FGD5: variants seen among roughly 807,000 people sequenced by gnomAD.
FGD5 encodes FYVE, RhoGEF and PH domain containing 5, also known as FYVE, RhoGEF and PH domain-containing protein 5.
Under a neutral mutation model 133.4 loss-of-function variants are expected in FGD5, and 28 were observed. That is an observed-to-expected ratio of 0.21 (90% CI 0.16 to 0.29). The LOEUF (loss-of-function observed/expected upper bound fraction) is 0.29. Among genes scored for constraint, FGD5 ranks in the 10% least tolerant of loss-of-function variants. The probability of loss-of-function intolerance (pLI) is 1.00; values close to 1 mark genes in which losing one functional copy is unlikely to be tolerated. For synonymous variants in FGD5, 810 were observed against 776.5 expected, an observed-to-expected ratio of 1.04 and a Z score of -0.72; for missense variants, 1,858 against 1,895.2, an observed-to-expected ratio of 0.98 and a Z score of 0.36.
chr3:14,922,617 G>T lies in FGD5; in HGVS notation c.3807+69G>T. 13 of 1,517,532 alleles carry T rather than the reference G, an allele frequency of 8.6e-6. No homozygotes were observed. In the South Asian group the frequency reaches 1.6e-4, roughly 19 times the overall value. 94.0% of individuals were successfully genotyped at this position (1,517,532 alleles called of 1,614,324 possible). A position where few individuals can be genotyped will look rare whatever the true frequency, so the allele number is the denominator to read the frequency against. On this transcript the variant is annotated intron_variant, in intron 15 of 19. Transcript: ENST00000285046. The surrounding 1 kb of genome is among the most constrained non-coding windows in gnomAD (Gnocchi z 4.1). ...TGGGGGAAGGGCATGTCCCTGCCCA[G>T]CCGGGGGCTCAGGGATGTCCAGCAG...
chr3:14,864,205 A>G lies in FGD5; in HGVS notation c.2603A>G (p.Gln868Arg). 1 of 1,614,048 alleles carries G rather than the reference A, an allele frequency of 6.2e-7. No individual in the cohort carries two copies. The highest frequency in any genetic ancestry group is 8.5e-7 in the Non-Finnish European group (1 of 1,179,888). Residue 868 changes from glutamine to arginine, a missense_variant, in exon 2 of 20, where the codon CAG becomes CGG. Coordinates refer to ENST00000285046, the MANE Select transcript of FGD5 (RefSeq NM_152536.4). Reference sequence around the variant, plus strand: ...GAGGACCTTACGTCGGATGAAGAGCAGAGAAGCTCGGAGGAGGAGGACAGT... The same window carrying G: ...GAGGACCTTACGTCGGATGAAGAGCGGAGAAGCTCGGAGGAGGAGGACAGT... The part of the protein sequence containing the change: ...PKEDLTSDEE[Q>R]RSSEEEDSAS...
chr3:14,852,326 A>T (rs955794398), intron 1 of FGD5, among the ~76,000 whole-genome samples: 1 of 152,244 alleles, frequency 6.6e-6, no homozygotes, highest in African/African-American at 2.4e-5. Context: ...AAGTGAAAGA[A>T]TCCAGACCCA....
At chr3:14,865,119 A>ACCCCCCCCCCC (rs1216267069) in intron 2 of FGD5, among the ~76,000 whole-genome samples, 63 of 140,682 alleles carry the variant, frequency 4.5e-4, no homozygotes, top group African/African-American at 7.2e-4. Context: ...CCCCCACCCA[A>ACCCCCCCCCCC]CCCACCCATC....
upstream of FGD5, among the ~76,000 whole-genome samples, chr3:14,817,098 G>C (rs939718675): frequency 6.6e-6 from 1 of 152,156 alleles, no homozygotes; most frequent in Non-Finnish European, 1.5e-5. Flanking sequence ...TATGAAAAAA[G>C]AGTGTCAAAC....
chr3:14,891,280 G>C (rs968019616), intron 4 of FGD5, among the ~76,000 whole-genome samples: 1 of 152,132 alleles, frequency 6.6e-6, no homozygotes, highest in Non-Finnish European at 1.5e-5. Context: ...GCCAGCTGTG[G>C]CAGAAGTCAG....
chr3:14,903,396 A>G (rs1434034828), intron 9 of FGD5, among the ~76,000 whole-genome samples: 1 of 152,006 alleles, frequency 6.6e-6, no homozygotes, highest in East Asian at 1.9e-4. Context: ...GTACATGTGC[A>G]CAATGTGCAG....
At chr3:14,889,682 G>T (rs2037989042) in intron 4 of FGD5, among the ~76,000 whole-genome samples, 1 of 152,106 alleles carries the variant, frequency 6.6e-6, no homozygotes, top group Non-Finnish European at 1.5e-5. Context: ...ACCAGTGTTT[G>T]TTCCACACTC....
chr3:14,849,009 T>G (rs1266610244), intron 1 of FGD5, among the ~76,000 whole-genome samples: 2 of 152,194 alleles, frequency 1.3e-5, no homozygotes, highest in Non-Finnish European at 2.9e-5. Flanking sequence ...TGAAAATGCT[T>G]CTTCTGTGTT....
intron 18 of FGD5, 154 bp from the exon 19 acceptor site, chr3:14,932,423 A>T: frequency 7.2e-6 from 5 of 689,890 alleles, no homozygotes; most frequent in Non-Finnish European, 1.1e-5. Context: ...CTCTGGGGGG[A>T]AGCGAGGGTC....
chr3:14,834,432 T>G lies in FGD5; in HGVS notation c.2525+12836T>G, dbSNP rs558288270. On this transcript the variant is annotated intron_variant, in intron 1 of 19. Coordinates refer to ENST00000285046, the MANE Select transcript of FGD5 (RefSeq NM_152536.4). Reference sequence around the variant, plus strand: ...GAGTTAATGCTTGCAAAGAATTTAGTAAGAGCCTGGCAGTTTGCAAGTGCT... The same window carrying G: ...GAGTTAATGCTTGCAAAGAATTTAGGAAGAGCCTGGCAGTTTGCAAGTGCT... Among the ~76,000 whole-genome samples, 3 of 152,334 alleles carry G rather than the reference T, an allele frequency of 2.0e-5. No homozygotes were observed. The East Asian group carries it at 5.8e-4, about 29-fold the overall frequency.
At chr3:14,888,167 C>CAAA (rs1491294355) in intron 4 of FGD5, among the ~76,000 whole-genome samples, 1 of 54,652 alleles carries the variant, frequency 1.8e-5, no homozygotes. Flanking sequence ...GATCCTTTCT[C>CAAA]GAAAAAAAAA....
intron 1 of FGD5, among the ~76,000 whole-genome samples, chr3:14,846,067 C>T (rs1335358706): frequency 6.6e-6 from 1 of 152,212 alleles, no homozygotes; most frequent in Non-Finnish European, 1.5e-5. Context: ...AACCTCTTCC[C>T]TATTTGATGA....
chr3:14,839,740 G>T (rs1268031822), intron 1 of FGD5, among the ~76,000 whole-genome samples: 1 of 152,106 alleles, frequency 6.6e-6, no homozygotes, highest in Admixed American at 6.5e-5. Flanking sequence ...AGACCATCCT[G>T]GCTAACATGG....
chr3:14,854,432 T>TATTTATTGATTGATTG (rs374445929), intron 1 of FGD5, among the ~76,000 whole-genome samples: 129 of 143,442 alleles, frequency 9.0e-4, no homozygotes, highest in Middle Eastern at 3.7e-3. Context: ...TTTATTTATT[T>TATTTATTGATTGATTG]ATTGAGACGA....
In FGD5 at chr3:14,820,200, G is replaced by C. The variant is rs552194479; in HGVS notation, c.1129G>C (p.Ala377Pro). 130 of 1,612,406 alleles carry C rather than the reference G, an allele frequency of 8.1e-5. 1 individual carries two copies. In the South Asian group the frequency reaches 1.3e-3, roughly 16 times the overall value. ...AGCGAAAGGTTTAGAATCAGAGCAG[G>C]CACCAAAGCTGGGGCTGCGTGCGGA... is the stretch of plus-strand genomic sequence containing the variant. ...ESAKGLESEQ[A>P]PKLGLRAEEN... The change falls in exon 1 of 20, where the codon GCA becomes CCA. Residue 377 changes from alanine (A) to proline (P), a missense_variant. By Grantham distance (27) the Ala-to-Pro change is conservative (BLOSUM62 -1). Coordinates refer to ENST00000285046, the MANE Select transcript of FGD5 (RefSeq NM_152536.4).
rs189804396 is a variant in FGD5 at position 14,823,415 on chromosome 3, A to G, written c.2525+1819A>G. On this transcript the variant is annotated intron_variant, in intron 1 of 19. Coordinates refer to ENST00000285046, the MANE Select transcript of FGD5 (RefSeq NM_152536.4). The stretch of plus-strand genomic sequence containing the variant: ...ACTGAGGCATATACTGTTCCCCTCT[A>G]ATATCCCTCCCCTACTCATGGTTCT... Among the ~76,000 whole-genome samples, 4 of 152,240 alleles carry G rather than the reference A, an allele frequency of 2.6e-5. No homozygotes were observed. The East Asian group carries it at 7.7e-4, about 29-fold the overall frequency.
intron 18 of FGD5, among the ~76,000 whole-genome samples, chr3:14,926,752 T>G (rs1344857465): frequency 1.3e-5 from 2 of 152,150 alleles, no homozygotes; most frequent in African/African-American, 4.8e-5. Flanking sequence ...TGTAGCAGGG[T>G]GCTGTCTGGC....
intron 13 of FGD5, among the ~76,000 whole-genome samples, chr3:14,919,895 A>G (rs1575259118): frequency 1.3e-5 from 2 of 152,210 alleles, no homozygotes; most frequent in East Asian, 1.9e-4. Context: ...TCACCTCCCA[A>G]AGGCCCTGCC....
At chr3:14,902,143 G>A (rs2038251730) in intron 9 of FGD5, among the ~76,000 whole-genome samples, 1 of 152,082 alleles carries the variant, frequency 6.6e-6, no homozygotes, top group Non-Finnish European at 1.5e-5. Flanking sequence ...TTAGCCAGGT[G>A]TGGTGGCACA....
Sources: allele counts gnomAD v4.1 joint callset (sites outside exome capture counted in the v4.1 genomes callset), GRCh38; gene constraint gnomAD v4.1.1; non-coding constraint Gnocchi (gnomAD v3.1); transcripts MANE v1.5; gene names NCBI Gene and HGNC (gene_info 2026-07-23, HGNC 2026-07-21).